CHST8: variants seen among roughly 807,000 people sequenced by gnomAD.
CHST8 encodes the protein GALNAC-4-ST1.
Under a neutral mutation model 15.0 loss-of-function variants are expected in CHST8, and 10 were observed. The ratio of observed to expected loss-of-function variants is 0.67; its 90% CI spans 0.41 to 1.13. CHST8 has a LOEUF of 1.13. Among genes scored for constraint, CHST8 ranks in the 50% most tolerant of loss-of-function variants. The pLI is 0.00. For missense variants in CHST8, 634 were observed against 608.2 expected (o/e 1.04, Z -0.45); for synonymous variants, 259 against 256.6 (o/e 1.01, Z -0.09).
chr19:33,764,841 C>T (rs756366830), intron 3 of CHST8, among the ~76,000 whole-genome samples: 8 of 151,970 alleles, frequency 5.3e-5, no homozygotes, highest in South Asian at 2.1e-4. Context: ...TCCTTCACCC[C>T]CTTCCCACCC....
intron 1 of CHST8, among the ~76,000 whole-genome samples, chr19:33,655,545 C>T (rs536403702): frequency 5.5e-4 from 84 of 152,270 alleles, no homozygotes; most frequent in Middle Eastern, 3.4e-3. Context: ...TTTGAAACTG[C>T]CTGAGGACAG....
chr19:33,627,332 G>A (rs1199188751), intron 1 of CHST8, among the ~76,000 whole-genome samples: 1 of 151,194 alleles, frequency 6.6e-6, no homozygotes, highest in Non-Finnish European at 1.5e-5. Flanking sequence ...GGCTGGTCTC[G>A]AACTCCTGAC....
At chr19:33,646,902 G>A (rs914501441) in intron 1 of CHST8, among the ~76,000 whole-genome samples, 1 of 152,150 alleles carries the variant, frequency 6.6e-6, no homozygotes, top group African/African-American at 2.4e-5. Context: ...GTGACAGAGT[G>A]AGACTCTGTC....
chr19:33,739,038 G>A (rs1255994958), intron 3 of CHST8, among the ~76,000 whole-genome samples: 1 of 152,102 alleles, frequency 6.6e-6, no homozygotes, highest in Non-Finnish European at 1.5e-5. Context: ...CGCATCCACA[G>A]GGATCAGGCA....
chr19:33,627,202 G>A (rs1409041915), intron 1 of CHST8, among the ~76,000 whole-genome samples: 1 of 151,244 alleles, frequency 6.6e-6, no homozygotes, highest in African/African-American at 2.4e-5. Flanking sequence ...CCAGGTTCAA[G>A]CAGTCCTCCC....
At chr19:33,657,486 G>A (rs1446031347) in intron 1 of CHST8, among the ~76,000 whole-genome samples, 1 of 151,610 alleles carries the variant, frequency 6.6e-6, no homozygotes, top group Non-Finnish European at 1.5e-5. Context: ...TGACCAGGCT[G>A]GTCTCGAACT....
chr19:33,627,549 C>T (rs1296267061), intron 1 of CHST8, among the ~76,000 whole-genome samples: 1 of 152,190 alleles, frequency 6.6e-6, no homozygotes, highest in Non-Finnish European at 1.5e-5. Context: ...GGTCTTACAT[C>T]CGCACTCCGC....
chr19:33,757,498 GAAA>G lies in CHST8; in HGVS notation c.131-13914_131-13912del, dbSNP rs1974602970. ...AGAAAGAAAGAAAGAAAGAAAGAAA[GAAA>G]GAAAGAAAGAAAGAAAGAAAGAGAA... On this transcript the variant is annotated intron_variant, in intron 3 of 4. Transcript: ENST00000650847. 4.2e-5 allele frequency among the ~76,000 whole-genome samples: 2 copies of G among 47,116 alleles called. 1 individual carries two copies. Among genetic ancestry groups the G allele is most frequent in the African/African-American group, 1.8e-4 (2 of 11,190 alleles). The allele number at this position is 47,116 out of a possible 152,430, so 30.9% of individuals were successfully genotyped here.
chr19:33,633,225 T>C (rs1391367218), intron 1 of CHST8, among the ~76,000 whole-genome samples: 1 of 152,248 alleles, frequency 6.6e-6, no homozygotes, highest in Non-Finnish European at 1.5e-5. Context: ...CCATGTTGTT[T>C]TGAGTTGTGT....
At chr19:33,746,997 C>T (rs182347655) in intron 3 of CHST8, among the ~76,000 whole-genome samples, 7 of 152,254 alleles carry the variant, frequency 4.6e-5, no homozygotes, top group South Asian at 2.1e-4. Flanking sequence ...GCATGTCAAA[C>T]GGACTATATA....
intron 1 of CHST8, among the ~76,000 whole-genome samples, chr19:33,628,643 C>G (rs1568307307): frequency 6.6e-6 from 1 of 152,210 alleles, no homozygotes; most frequent in Non-Finnish European, 1.5e-5. Context: ...AGCTAGTGCA[C>G]AAAGCAGGCA....
intron 3 of CHST8, among the ~76,000 whole-genome samples, chr19:33,761,071 C>T (rs947969636): frequency 3.3e-4 from 50 of 152,226 alleles, no homozygotes; most frequent in African/African-American, 1.2e-3. Flanking sequence ...TTGCTGTCAA[C>T]ATCCCACGTG....
intron 3 of CHST8, 50 bp from the exon 4 acceptor site, chr19:33,771,363 G>A (rs983000462): frequency 1.9e-6 from 3 of 1,587,812 alleles, no homozygotes; most frequent in African/African-American, 1.3e-5. Context: ...TTCCCTGGGA[G>A]CCATGTGGCA....
chr19:33,769,409 AG>A (rs1478100989), intron 3 of CHST8, among the ~76,000 whole-genome samples: 2 of 152,178 alleles, frequency 1.3e-5, no homozygotes, highest in African/African-American at 4.8e-5. Context: ...GACTCTGAGG[AG>A]GAGAGGTGGT....
rs138434379 is a variant in CHST8 at position 33,634,067 on chromosome 19, G to A, written c.-164+11771G>A. On this transcript the variant is annotated intron_variant, in intron 1 of 4. Coordinates refer to ENST00000650847, the MANE Select transcript of CHST8 (RefSeq NM_001127895.2). ...ACTCCTGGGCTTAAGCGATCCTCCC[G>A]CCTTGGCCTCCCAAAGTCCTGGGAT... Among the ~76,000 whole-genome samples the A allele has an allele frequency of 6.8e-3, 1,033 of 152,116 alleles. 7 individuals are homozygous for A. The highest frequency in any genetic ancestry group is 0.011 in the Non-Finnish European group (718 of 68,010).
At chr19:33,725,424 A>G (rs940145378) in intron 3 of CHST8, among the ~76,000 whole-genome samples, 2 of 152,124 alleles carry the variant, frequency 1.3e-5, no homozygotes, top group Non-Finnish European at 2.9e-5. Context: ...ACCCATGGCC[A>G]CAATCTCCTG....
intron 3 of CHST8, among the ~76,000 whole-genome samples, chr19:33,699,650 A>G (rs954282765): frequency 6.6e-5 from 10 of 152,048 alleles, no homozygotes; most frequent in Admixed American, 1.3e-4. Flanking sequence ...CAGAAGTCCA[A>G]TGCCCGCGGG....
chr19:33,688,913 C>A (rs1973039395), intron 2 of CHST8, among the ~76,000 whole-genome samples: 1 of 152,130 alleles, frequency 6.6e-6, no homozygotes, highest in Admixed American at 6.5e-5. Flanking sequence ...CTCCCCAAGG[C>A]AGGGCCAGAG....
chr19:33,721,193 A>G (rs1488342204), intron 3 of CHST8, among the ~76,000 whole-genome samples: 2 of 152,146 alleles, frequency 1.3e-5, no homozygotes, highest in African/African-American at 2.4e-5. Flanking sequence ...TGGAAACCCT[A>G]TTGCAGGGTC....
Sources: allele counts gnomAD v4.1 joint callset (sites outside exome capture counted in the v4.1 genomes callset), GRCh38; gene constraint gnomAD v4.1.1; transcripts MANE v1.5; gene names NCBI Gene and HGNC (gene_info 2026-07-23, HGNC 2026-07-21).